FOXP1: variants seen among roughly 807,000 people sequenced by gnomAD.
The protein encoded by FOXP1 is forkhead box protein P1.
Under a neutral mutation model 98.2 loss-of-function variants are expected in FOXP1, and 15 were observed. That is an observed-to-expected ratio of 0.15 (90% CI 0.10 to 0.24). FOXP1 has a LOEUF of 0.24. FOXP1 is among the 10% of genes least tolerant of loss of function. The probability of loss-of-function intolerance (pLI) is 1.00; values close to 1 mark genes in which losing one functional copy is unlikely to be tolerated. For synonymous variants in FOXP1, 371 were observed against 314.5 expected (o/e 1.18, Z -1.90); for missense variants, 633 against 848.5 (o/e 0.75, Z 3.15).
At chr3:71,238,739 T>A (rs1273329345) in intron 5 of FOXP1, among the ~76,000 whole-genome samples, 1 of 152,138 alleles carries the variant, frequency 6.6e-6, no homozygotes, top group African/African-American at 2.4e-5. Flanking sequence ...TCATAAATAA[T>A]CGGGGCTGAG....
chr3:71,097,328 CTCAT>C (rs1201205871), intron 7 of FOXP1, among the ~76,000 whole-genome samples: 2 of 152,136 alleles, frequency 1.3e-5, no homozygotes, highest in Non-Finnish European at 2.9e-5. Flanking sequence ...TACAGCCATG[CTCAT>C]TCATTTACAT....
At chr3:71,104,383 A>C (rs911848060) in intron 7 of FOXP1, among the ~76,000 whole-genome samples, 1 of 152,202 alleles carries the variant, frequency 6.6e-6, no homozygotes, top group Non-Finnish European at 1.5e-5. Context: ...CAGCCTATCC[A>C]AGAAGAAGCC....
At chr3:71,562,656 A>T (rs1258274995) in intron 2 of FOXP1, among the ~76,000 whole-genome samples, 1 of 152,240 alleles carries the variant, frequency 6.6e-6, no homozygotes, top group African/African-American at 2.4e-5. Context: ...ATCATTTTAC[A>T]GAAGAGTAAA....
At chr3:71,202,187 C>T (rs2063720242) in intron 5 of FOXP1, among the ~76,000 whole-genome samples, 1 of 152,222 alleles carries the variant, frequency 6.6e-6, no homozygotes, top group Admixed American at 6.5e-5. Flanking sequence ...AGGCATCAAG[C>T]CAAGCAGCTT....
chr3:71,290,998 C>T (rs1233589723), intron 5 of FOXP1, among the ~76,000 whole-genome samples: 2 of 152,210 alleles, frequency 1.3e-5, no homozygotes, highest in Non-Finnish European at 2.9e-5. Flanking sequence ...CATCTCTGCT[C>T]ACCTTACATG....
intron 5 of FOXP1, among the ~76,000 whole-genome samples, chr3:71,295,419 A>T (rs2073183353): frequency 6.6e-6 from 1 of 152,236 alleles, no homozygotes; most frequent in African/African-American, 2.4e-5. Flanking sequence ...TAGGTAAGAC[A>T]CAATGAATGT....
chr3:71,249,445 T>C (rs780112054), intron 5 of FOXP1, among the ~76,000 whole-genome samples: 28 of 152,248 alleles, frequency 1.8e-4, no homozygotes, highest in Non-Finnish European at 3.1e-4. Context: ...ATCTTTACAA[T>C]TGCCTTGCAA....
At chr3:71,233,740 G>C (rs533865530) in intron 5 of FOXP1, among the ~76,000 whole-genome samples, 2 of 151,954 alleles carry the variant, frequency 1.3e-5, no homozygotes, top group Non-Finnish European at 2.9e-5. Flanking sequence ...GATTCCTGGG[G>C]ACCCCAAGAA....
At chr3:71,568,893 C>T (rs1483679395) in intron 2 of FOXP1, among the ~76,000 whole-genome samples, 9 of 152,168 alleles carry the variant, frequency 5.9e-5, no homozygotes, top group Non-Finnish European at 1.2e-4. Flanking sequence ...GTGATCCACC[C>T]GCCTTGGCCT....
At chr3:70,966,930 CAT>C (rs1241848221) in intron 19 of FOXP1, among the ~76,000 whole-genome samples, 2 of 152,204 alleles carry the variant, frequency 1.3e-5, no homozygotes, top group African/African-American at 4.8e-5. Flanking sequence ...ACGCTAGTTA[CAT>C]ATACCACTGG....
chr3:71,042,110 C>T (rs562471321), intron 10 of FOXP1, among the ~76,000 whole-genome samples: 2 of 152,278 alleles, frequency 1.3e-5, no homozygotes, highest in South Asian at 2.1e-4. Flanking sequence ...CACCTATCTT[C>T]CTCATTAATT....
At chr3:70,972,206 G>A (rs2036414873) in intron 18 of FOXP1, 1 of 1,502,246 alleles carries the variant, frequency 6.7e-7, no homozygotes, top group Non-Finnish European at 8.8e-7. Context: ...CAGCAAAGGA[G>A]ATGGAGTGGC....
intron 5 of FOXP1, among the ~76,000 whole-genome samples, chr3:71,277,661 G>C (rs2071057439): frequency 6.6e-6 from 1 of 151,962 alleles, no homozygotes; most frequent in South Asian, 2.1e-4. Flanking sequence ...CTCCCACCTG[G>C]AGGACTGGAC....
chr3:70,976,788 A>G (rs369182491), intron 17 of FOXP1, among the ~76,000 whole-genome samples, 153 bp downstream of exon 17: 1 of 152,192 alleles, frequency 6.6e-6, no homozygotes, highest in East Asian at 1.9e-4. Context: ...CAATGGCACT[A>G]TTTTCCCAAT....
At chr3:71,150,483 G>GA (rs1451894244) in intron 6 of FOXP1, among the ~76,000 whole-genome samples, 2 of 151,898 alleles carry the variant, frequency 1.3e-5, no homozygotes, top group African/African-American at 2.4e-5. Context: ...GGCAGGAGGT[G>GA]AAAAAAACAC....
intron 3 of FOXP1, among the ~76,000 whole-genome samples, chr3:71,433,554 G>A (rs1245242529): frequency 6.6e-6 from 1 of 152,186 alleles, no homozygotes; most frequent in Non-Finnish European, 1.5e-5. Flanking sequence ...ATCTCAGATT[G>A]TGCAAGGGGG....
chr3:71,391,444 A>T (rs1307311078), intron 3 of FOXP1, among the ~76,000 whole-genome samples: 1 of 152,178 alleles, frequency 6.6e-6, no homozygotes, highest in African/African-American at 2.4e-5. Context: ...CACCTCCAAA[A>T]TGATTGATGT....
At chr3:71,063,944 G>A (rs189657861) in intron 7 of FOXP1, among the ~76,000 whole-genome samples, 10 of 152,226 alleles carry the variant, frequency 6.6e-5, no homozygotes, top group African/African-American at 1.4e-4. Flanking sequence ...TTGGGGAGGA[G>A]AGGGGTAAAA....
intron 5 of FOXP1, among the ~76,000 whole-genome samples, chr3:71,225,912 G>C (rs557565335): frequency 6.6e-6 from 1 of 152,286 alleles, no homozygotes; most frequent in South Asian, 2.1e-4. Flanking sequence ...GACGGACTGA[G>C]AAAAATCATG....
Sources: allele counts gnomAD v4.1 joint callset (sites outside exome capture counted in the v4.1 genomes callset), GRCh38; gene constraint gnomAD v4.1.1; transcripts MANE v1.5; gene names NCBI Gene and HGNC (gene_info 2026-07-23, HGNC 2026-07-21).